Variants in ZNF723 observed in about 807,000 individuals in gnomAD.
ZNF723 encodes the protein zinc finger protein 723, also known as zinc finger protein 723, pseudogene.
ZNF723 carries 5 observed loss-of-function variants against 9.4 expected under a neutral mutation model. The ratio of observed to expected loss-of-function variants is 0.53; its 90% CI spans 0.28 to 1.12. ZNF723 has a LOEUF of 1.12. Ranked by LOEUF, ZNF723 falls within the 50% of genes most tolerant of loss-of-function variation. The pLI is 0.10. For missense variants in ZNF723, 450 were observed against 501.5 expected (o/e 0.90, Z 0.98); for synonymous variants, 158 against 168.8 (o/e 0.94, Z 0.49).
chr19:22,830,057 A>G (rs1403043822), upstream of ZNF723, among the ~76,000 whole-genome samples: 1 of 151,570 alleles, frequency 6.6e-6, no homozygotes, highest in East Asian at 1.9e-4. Context: ...TTTTTCTTTT[A>G]CAAGTTTTGA....
the ZNF723 span, among the ~76,000 whole-genome samples, chr19:22,813,726 G>T: frequency 1.3e-5 from 2 of 152,048 alleles, no homozygotes; most frequent in Non-Finnish European, 2.9e-5. Context: ...GGATGACAGA[G>T]TGAGACTCCG....
chr19:22,819,563 A>T, the ZNF723 span, among the ~76,000 whole-genome samples: 3 of 152,308 alleles, frequency 2.0e-5, no homozygotes, highest in Middle Eastern at 6.8e-3. Flanking sequence ...GACTGCTCTC[A>T]TAACTGACCC....
At chr19:22,840,202 T>C (rs1967223379) in intron 1 of ZNF723, among the ~76,000 whole-genome samples, 1 of 152,058 alleles carries the variant, frequency 6.6e-6, no homozygotes, top group Admixed American at 6.6e-5. Flanking sequence ...AGACGGAGTT[T>C]CGCTCATTGC....
intron 1 of ZNF723, among the ~76,000 whole-genome samples, chr19:22,838,381 G>A (rs533944671): frequency 3.3e-5 from 5 of 151,970 alleles, no homozygotes; most frequent in Non-Finnish European, 7.4e-5. Flanking sequence ...GTGAAACCCC[G>A]TCTCTACTAA....
intron 1 of ZNF723, among the ~76,000 whole-genome samples, chr19:22,833,578 C>T (rs980243747): frequency 2.6e-5 from 4 of 152,026 alleles, no homozygotes; most frequent in African/African-American, 9.7e-5. Flanking sequence ...CAATTCCAAA[C>T]GCTAACTTTT....
the ZNF723 span, among the ~76,000 whole-genome samples, chr19:22,812,245 A>G: frequency 6.6e-6 from 1 of 152,172 alleles, no homozygotes; most frequent in African/African-American, 2.4e-5. Context: ...TGCTGGGATT[A>G]CAGGTGTGAG....
At chr19:22,823,219 C>T in the ZNF723 span, among the ~76,000 whole-genome samples, 1 of 152,130 alleles carries the variant, frequency 6.6e-6, no homozygotes, top group African/African-American at 2.4e-5. Context: ...CAGGTGTCAC[C>T]AAGAGTGTGG....
intron 1 of ZNF723, among the ~76,000 whole-genome samples, chr19:22,835,322 G>A (rs949343504): frequency 5.9e-5 from 9 of 151,850 alleles, no homozygotes; most frequent in Admixed American, 5.2e-4. Flanking sequence ...GATTACAGGC[G>A]TGAGCCACCA....
intron 1 of ZNF723, chr19:22,840,371 A>G (rs1462012516): frequency 6.7e-6 from 1 of 149,814 alleles, no homozygotes; most frequent in East Asian, 2.0e-4. Flanking sequence ...GGGTTTCACC[A>G]TGTTGGTCAG....
intron 1 of ZNF723, among the ~76,000 whole-genome samples, chr19:22,846,711 C>T (rs1350105828): frequency 6.6e-6 from 1 of 151,670 alleles, no homozygotes; most frequent in African/African-American, 2.4e-5. Flanking sequence ...AAAAAGACTC[C>T]TTAAAATCAC....
chr19:22,840,434 G>A (rs1967228758), intron 1 of ZNF723: 1 of 152,108 alleles, frequency 6.6e-6, no homozygotes, highest in Admixed American at 6.6e-5. Context: ...GCATCCCAAA[G>A]TGCTGGGATT....
In ZNF723 at chr19:22,848,276, A is replaced by G; in HGVS notation, c.19A>G (p.Thr7Ala). The change falls in exon 2 of 4, where the codon ACA (threonine) becomes GCA (alanine). Residue 7 changes from threonine (T) to alanine (A), a missense_variant. By Grantham distance (58) the Thr-to-Ala change is moderately conservative. Transcript: ENST00000600766. MGPLTF[T>A]DVAIKFSLEE... ...TTTTTTTCAGGGACCATTGACATTC[A>G]CAGATGTGGCAATAAAATTTTCTCT... is the stretch of plus-strand genomic sequence containing the variant. 8.5e-7 allele frequency: 1 copy of G among 1,177,258 alleles called. No homozygotes were observed. Among genetic ancestry groups the G allele is most frequent in the South Asian group, 1.3e-5 (1 of 75,284 alleles). 72.9% of individuals were successfully genotyped at this position (1,177,258 alleles called of 1,614,324 possible). A position where few individuals can be genotyped will look rare whatever the true frequency, so the allele number is the denominator to read the frequency against.
upstream of ZNF723, among the ~76,000 whole-genome samples, chr19:22,829,471 G>T (rs971238134): frequency 1.3e-5 from 2 of 152,014 alleles, no homozygotes; most frequent in African/African-American, 4.8e-5. Context: ...TTTTTGTAGA[G>T]ACAGAGTTTT....
chr19:22,833,568 C>G (rs1967125274), intron 1 of ZNF723, among the ~76,000 whole-genome samples: 1 of 152,086 alleles, frequency 6.6e-6, no homozygotes, highest in South Asian at 2.1e-4. Flanking sequence ...CTCCTTCTGA[C>G]AATTCCAAAC....
the ZNF723 span, among the ~76,000 whole-genome samples, chr19:22,813,096 C>T: frequency 6.6e-6 from 1 of 152,096 alleles, no homozygotes; most frequent in Non-Finnish European, 1.5e-5. Context: ...GCCTCAGCCT[C>T]CCAAGTAGCT....
chr19:22,823,950 G>T, the ZNF723 span, among the ~76,000 whole-genome samples: 1 of 152,230 alleles, frequency 6.6e-6, no homozygotes, highest in Non-Finnish European at 1.5e-5. Context: ...AATTACATAA[G>T]TTAAATGAGT....
chr19:22,818,537 G>T, the ZNF723 span, among the ~76,000 whole-genome samples: 2 of 152,202 alleles, frequency 1.3e-5, no homozygotes, highest in South Asian at 4.1e-4. Flanking sequence ...CTACAATTGA[G>T]ATTGTGACTC....
intron 1 of ZNF723, among the ~76,000 whole-genome samples, chr19:22,838,642 A>C (rs1218273196): frequency 1.3e-5 from 2 of 152,052 alleles, no homozygotes; most frequent in Non-Finnish European, 2.9e-5. Flanking sequence ...ATGTTGCTGC[A>C]AAAAACATGA....
the ZNF723 span, among the ~76,000 whole-genome samples, chr19:22,814,622 G>T: frequency 1.3e-5 from 2 of 152,300 alleles, no homozygotes; most frequent in East Asian, 3.9e-4. Context: ...CATGTAATTA[G>T]ACACAACATA....
Sources: allele counts gnomAD v4.1 joint callset (sites outside exome capture counted in the v4.1 genomes callset), GRCh38; gene constraint gnomAD v4.1.1; transcripts MANE v1.5; gene names NCBI Gene and HGNC (gene_info 2026-07-23, HGNC 2026-07-21).